Variants in SOBP observed in about 807,000 individuals in gnomAD.
SOBP encodes sine oculis-binding protein homolog.
In SOBP, 4 loss-of-function variants were observed where a neutral mutation model predicts 53.6. That is an observed-to-expected ratio of 0.07 (90% CI 0.04 to 0.17). The LOEUF (loss-of-function observed/expected upper bound fraction) is 0.17. Among genes scored for constraint, SOBP ranks in the 10% least tolerant of loss-of-function variants. The pLI, the probability that SOBP is intolerant of heterozygous loss-of-function variation, is 1.00. For missense variants in SOBP, 1,088 were observed against 1,204.7 expected (o/e 0.90, Z 1.43); for synonymous variants, 584 against 522.6 (o/e 1.12, Z -1.60).
At position 107,644,011 on chromosome 6, in the gene SOBP, G is replaced by A. The variant is rs1404433264; in HGVS notation, c.*3+8542G>A. ...AAAGTGTTCTAACCTGAACCGTATT[G>A]AGTCCCACACGTGAGCGTGGTGGCT... is the stretch of plus-strand genomic sequence containing the variant. On this transcript the variant is annotated intron_variant, in intron 6 of 6. Coordinates refer to ENST00000317357, the MANE Select transcript of SOBP (RefSeq NM_018013.4). 5.3e-5 allele frequency among the ~76,000 whole-genome samples: 8 copies of A among 152,282 alleles called. No individual in the cohort carries two copies. In the East Asian group the frequency reaches 1.2e-3, roughly 22 times the overall value.
intron 1 of SOBP, among the ~76,000 whole-genome samples, chr6:107,502,474 A>G (rs541297782): frequency 7.9e-5 from 12 of 152,226 alleles, no homozygotes; most frequent in Non-Finnish European, 1.6e-4. Context: ...ATAAGGTAAA[A>G]ATATATAGTC....
intron 4 of SOBP, among the ~76,000 whole-genome samples, chr6:107,546,583 A>G (rs1784307407): frequency 6.6e-6 from 1 of 152,194 alleles, no homozygotes; most frequent in South Asian, 2.1e-4. Flanking sequence ...TCATGTGCAC[A>G]CAGAAAGCCT....
chr6:107,603,319 C>T (rs1786254374), intron 5 of SOBP, among the ~76,000 whole-genome samples: 1 of 152,184 alleles, frequency 6.6e-6, no homozygotes, highest in African/African-American at 2.4e-5. Flanking sequence ...AGAGGCACCC[C>T]GTGTACTTTC....
At chr6:107,607,447 A>G (rs921842170) in intron 5 of SOBP, among the ~76,000 whole-genome samples, 1 of 152,204 alleles carries the variant, frequency 6.6e-6, no homozygotes, top group Non-Finnish European at 1.5e-5. Context: ...TTTGCTGCTG[A>G]TGTCAAACGC....
At chr6:107,566,069 A>G (rs1325347934) in intron 4 of SOBP, among the ~76,000 whole-genome samples, 2 of 152,254 alleles carry the variant, frequency 1.3e-5, no homozygotes, top group African/African-American at 4.8e-5. Flanking sequence ...GAAGGGTGAA[A>G]GGCTATGAAC....
rs146747167 is a variant in SOBP, at chr6:107,634,459, A to G, written c.1615A>G (p.Ile539Val). Reference sequence around the variant, plus strand: ...CGTGCCCCTACCGGTGCCCATCCCCATCCCCATCCCTATCCCTCACGTCAG... The same window carrying G: ...CGTGCCCCTACCGGTGCCCATCCCCGTCCCCATCCCTATCCCTCACGTCAG... ...VIVPLPVPIP[I>V]PIPIPHVSDS... Residue 539 changes from isoleucine to valine, a missense_variant, in exon 6 of 7, where the codon ATC (isoleucine) becomes GTC (valine). Coordinates refer to ENST00000317357, the MANE Select transcript of SOBP (RefSeq NM_018013.4). The surrounding 1 kb of genome is among the most constrained non-coding windows in gnomAD (Gnocchi z 4.5). 7,372 of 1,609,272 alleles carry G rather than the reference A, an allele frequency of 4.6e-3. 71 individuals carry two copies. The highest frequency in any genetic ancestry group is 0.027 in the Middle Eastern group (164 of 6,058).
intron 5 of SOBP, among the ~76,000 whole-genome samples, chr6:107,606,457 GGGGGTGCAGCA>G (rs1184387018): frequency 1.3e-5 from 2 of 152,126 alleles, no homozygotes; most frequent in Non-Finnish European, 2.9e-5. Flanking sequence ...GGGTGGCAGT[GGGGGTGCAGCA>G]GGGATGCAGC....
At chr6:107,598,087 C>T (rs1248499496) in intron 5 of SOBP, among the ~76,000 whole-genome samples, 2 of 152,102 alleles carry the variant, frequency 1.3e-5, no homozygotes, top group African/African-American at 2.4e-5. Context: ...GCTTAAAAGT[C>T]ATGTGTTGCA....
intron 3 of SOBP, among the ~76,000 whole-genome samples, chr6:107,522,537 CTTTTTTT>C (rs71551313): frequency 2.7e-5 from 2 of 74,098 alleles, no homozygotes; most frequent in South Asian, 5.4e-4. Context: ...AGTATAAAAA[CTTTTTTT>C]TTTTTTTTTT....
intron 1 of SOBP, among the ~76,000 whole-genome samples, chr6:107,500,686 T>C (rs1450872627): frequency 6.6e-6 from 1 of 151,562 alleles, no homozygotes; most frequent in African/African-American, 2.4e-5. Flanking sequence ...TACGCCCGGC[T>C]AATTTTTTGT....
At chr6:107,514,043 A>G (rs906930147) in intron 3 of SOBP, 1 of 152,644 alleles carries the variant, frequency 6.6e-6, no homozygotes, top group African/African-American at 2.4e-5. Context: ...TTGAACCTAT[A>G]CATTATGTCT....
chr6:107,626,303 C>A (rs1011055665), intron 5 of SOBP, among the ~76,000 whole-genome samples: 1 of 152,118 alleles, frequency 6.6e-6, no homozygotes, highest in Non-Finnish European at 1.5e-5. Context: ...AATTTTTCCA[C>A]TTATTGCTAA....
intron 6 of SOBP, among the ~76,000 whole-genome samples, chr6:107,649,213 C>CCTGTAA (rs1771694788): frequency 6.8e-6 from 1 of 147,666 alleles, no homozygotes; most frequent in Non-Finnish European, 1.5e-5. Context: ...ATGGCTCATG[C>CCTGTAA]CTGTAATCCC....
At chr6:107,533,651 A>G (rs776691907) in intron 4 of SOBP, 41 bp downstream of exon 4, 1 of 1,613,006 alleles carries the variant, frequency 6.2e-7, no homozygotes, top group Non-Finnish European at 8.5e-7. Flanking sequence ...CACAGGCCTC[A>G]CCAGCCCACA....
intron 5 of SOBP, among the ~76,000 whole-genome samples, chr6:107,602,196 A>G (rs889295509): frequency 6.6e-6 from 1 of 152,238 alleles, no homozygotes; most frequent in Non-Finnish European, 1.5e-5. Flanking sequence ...AAAGACTGAA[A>G]CAGAAGTAAA....
chr6:107,552,372 T>C (rs1218926641), intron 4 of SOBP, among the ~76,000 whole-genome samples: 1 of 152,180 alleles, frequency 6.6e-6, no homozygotes, highest in Non-Finnish European at 1.5e-5. Flanking sequence ...AATGCTCAAA[T>C]TTTAAGCTGT....
At chr6:107,646,952 G>T (rs913584876) in intron 6 of SOBP, among the ~76,000 whole-genome samples, 1 of 152,208 alleles carries the variant, frequency 6.6e-6, no homozygotes, top group Non-Finnish European at 1.5e-5. Context: ...GTAAGAGACA[G>T]GTAAGGAAAT....
chr6:107,502,842 C>A (rs1460590057), intron 1 of SOBP, among the ~76,000 whole-genome samples: 1 of 151,998 alleles, frequency 6.6e-6, no homozygotes, highest in Non-Finnish European at 1.5e-5. Flanking sequence ...CTCACTGCAA[C>A]CTCTGCCTCC....
intron 1 of SOBP, among the ~76,000 whole-genome samples, chr6:107,503,290 C>A (rs185718688): frequency 2.9e-3 from 445 of 152,228 alleles, no homozygotes; most frequent in South Asian, 5.0e-3. Flanking sequence ...TTTTCAAAAT[C>A]TTTTCTTAGC....
Sources: gnomAD v4.1 joint callset for allele counts (sites outside exome capture counted in the v4.1 genomes callset) on GRCh38, gnomAD v4.1.1 for gene constraint, Gnocchi (gnomAD v3.1) non-coding constraint, MANE v1.5 for transcripts, NCBI Gene and HGNC (gene_info 2026-07-23, HGNC 2026-07-21) for gene names.